LYSMD1: variants seen among roughly 807,000 people sequenced by gnomAD.
LYSMD1 encodes the protein LysM domain containing 1, also known as lysM and putative peptidoglycan-binding domain-containing protein 1.
LYSMD1 carries 9 observed loss-of-function variants against 19.3 expected under a neutral mutation model. The ratio of observed to expected loss-of-function variants is 0.47; its 90% CI spans 0.28 to 0.81. The LOEUF is 0.81. LYSMD1 is among the 40% of genes least tolerant of loss of function. The pLI is 0.11. For missense variants in LYSMD1, 262 were observed against 279.8 expected (o/e 0.94, Z 0.45); for synonymous variants, 111 against 111.7 (o/e 0.99, Z 0.04).
chr1:151,158,507 G>A (rs1461991642), downstream of LYSMD1, among the ~76,000 whole-genome samples: 2 of 151,938 alleles, frequency 1.3e-5, no homozygotes, highest in Admixed American at 1.3e-4. Context: ...CAGCACTAAG[G>A]GGAAAAAGCA....
the LYSMD1 span, among the ~76,000 whole-genome samples, chr1:151,153,960 G>GAA: frequency 3.2e-5 from 4 of 123,880 alleles, no homozygotes; most frequent in Admixed American, 8.2e-5. Context: ...CTCAATTGAA[G>GAA]AAAAAAAAAA....
Position 151,165,198 on chromosome 1 carries a change from C to T in LYSMD1, c.61G>A (p.Ala21Thr). 6.2e-7 allele frequency: 1 copy of T among 1,614,182 alleles called. No individual in the cohort carries two copies. Among genetic ancestry groups the T allele is most frequent in the Non-Finnish European group, 8.5e-7 (1 of 1,180,024 alleles). The change falls in exon 1 of 3, where the codon GCT becomes ACT. Residue 21 changes from alanine (A) to threonine (T), a missense_variant. By Grantham distance (58) the Ala-to-Thr change is moderately conservative (BLOSUM62 0). Transcript: ENST00000368908. ...GGSGLLQGSR[A>T]RSYGSLVQSA... ...TGCACCAGGCTTCCATATGAACGAG[C>T]CCGGCTCCCTTGAAGCAGTCCTGAC...
chr1:151,153,012 C>T, the LYSMD1 span, among the ~76,000 whole-genome samples: 1 of 152,106 alleles, frequency 6.6e-6, no homozygotes, highest in Non-Finnish European at 1.5e-5. Context: ...GGAAAGAGCA[C>T]CATTGAAAGT....
chr1:151,158,003 G>C (rs1389400605), downstream of LYSMD1, among the ~76,000 whole-genome samples: 1 of 152,180 alleles, frequency 6.6e-6, no homozygotes, highest in Non-Finnish European at 1.5e-5. Flanking sequence ...ATATGGCACA[G>C]AGTCAGTGTC....
At chr1:151,156,955 A>T (rs1683242772), downstream of LYSMD1, among the ~76,000 whole-genome samples, 1 of 152,102 alleles carries the variant, frequency 6.6e-6, no homozygotes, top group Non-Finnish European at 1.5e-5. Context: ...ATCCATATGG[A>T]TGTGTGCGAA....
In LYSMD1 at chr1:151,165,783, A is replaced by G; in HGVS notation, c.-525T>C. ...AGATCCTCAAAGGTCCGCTCCGCAT[A>G]AGATAGGTCACACCCTCAAATTTCG... On this transcript the variant is annotated 5_prime_UTR_variant, in exon 1 of 3. Transcript: ENST00000368908. 1 of 1,551,458 alleles carries G rather than the reference A, an allele frequency of 6.4e-7. No individual in the cohort carries two copies. The highest frequency in any genetic ancestry group is 8.7e-7 in the Non-Finnish European group (1 of 1,146,714).
downstream of LYSMD1, chr1:151,158,605 G>T (rs1366152627): frequency 1.6e-6 from 2 of 1,217,628 alleles, no homozygotes; most frequent in Non-Finnish European, 2.3e-6. Flanking sequence ...AACTAAAGAA[G>T]CAACAGAAAA....
At chr1:151,157,282 G>GA (rs1270609242), downstream of LYSMD1, among the ~76,000 whole-genome samples, 1 of 152,066 alleles carries the variant, frequency 6.6e-6, no homozygotes, top group South Asian at 2.1e-4. Flanking sequence ...TTCAGCTGGG[G>GA]AAAAAAACCC....
At chr1:151,150,001 C>T in the LYSMD1 span, among the ~76,000 whole-genome samples, 1 of 152,236 alleles carries the variant, frequency 6.6e-6, no homozygotes, top group Non-Finnish European at 1.5e-5. Flanking sequence ...GAATGCCATC[C>T]GTATCACCTG....
chr1:151,156,818 C>T (rs1683237993), downstream of LYSMD1: 1 of 152,200 alleles, frequency 6.6e-6, no homozygotes, highest in Admixed American at 6.5e-5. Context: ...TATTGTGAAA[C>T]TCTCGCTTGT....
chr1:151,162,046 T>C lies in LYSMD1; in HGVS notation c.235A>G (p.Lys79Glu). 1 of 1,612,766 alleles carries C rather than the reference T, an allele frequency of 6.2e-7. No individual in the cohort carries two copies. The highest frequency in any genetic ancestry group is 1.7e-4 in the Middle Eastern group (1 of 6,060). ...AGGATGGGGATGTAGAGGGTTTTCT[T>C]CAGGAAGATGGAGTCATTAGTATAA... is the stretch of plus-strand genomic sequence containing the variant. ...RLYTNDSIFLKKTLYIPILTE... is the reference protein window; with the variant it reads ...RLYTNDSIFLEKTLYIPILTE... The change falls in exon 2 of 3, where the codon AAG becomes GAG. Residue 79 changes from lysine to glutamate, a missense_variant. Lys to Glu is a moderately conservative substitution (Grantham distance 56). Transcript: ENST00000368908.
At chr1:151,149,270 C>A in the LYSMD1 span, among the ~76,000 whole-genome samples, 1 of 152,084 alleles carries the variant, frequency 6.6e-6, no homozygotes, top group African/African-American at 2.4e-5. Context: ...GTGATGGGCA[C>A]CTGCAATCCC....
At chr1:151,161,279 C>T (rs1459922666) in intron 2 of LYSMD1, among the ~76,000 whole-genome samples, 4 of 152,116 alleles carry the variant, frequency 2.6e-5, no homozygotes, top group African/African-American at 9.7e-5. Flanking sequence ...TGGCGGATCA[C>T]GAGGTCAGGA....
chr1:151,155,110 C>T (rs2101676684), downstream of LYSMD1, among the ~76,000 whole-genome samples: 1 of 152,330 alleles, frequency 6.6e-6, no homozygotes, highest in South Asian at 2.1e-4. Context: ...TCCTTCTTCA[C>T]TTATCTCTCA....
At chr1:151,164,124 C>A (rs114538301) in intron 1 of LYSMD1, among the ~76,000 whole-genome samples, 1,676 of 151,172 alleles carry the variant, frequency 0.011, 44 homozygotes, top group African/African-American at 0.039. Context: ...GTACTCGTAA[C>A]CTTAGGTGAT....
At chr1:151,158,908 G>T (rs906484247), downstream of LYSMD1, 22 of 1,614,224 alleles carry the variant, frequency 1.4e-5, 1 homozygote, top group South Asian at 2.4e-4. Flanking sequence ...CATCAAGGTG[G>T]CTGTGCTGCA....
Position 151,160,910 on chromosome 1 carries a change from T to G in LYSMD1, c.656A>C (p.Asp219Ala). 6.2e-7 allele frequency: 1 copy of G among 1,614,124 alleles called. No homozygotes were observed. The highest frequency in any genetic ancestry group is 8.5e-7 in the Non-Finnish European group (1 of 1,179,994). The stretch of plus-strand genomic sequence containing the variant: ...GAGTTTGAAGATTTCATCCTCCTGG[T>G]CCCGTAGTGTCCGGGTCCGAGAGGT... Reference protein sequence around the residue: ...TRTSRTRTLRDQEDEIFKL With the variant: ...TRTSRTRTLRAQEDEIFKL The change falls in exon 3 of 3, where the codon GAC becomes GCC. Residue 219 changes from aspartate (D) to alanine (A), a missense_variant. Transcript: ENST00000368908.
the LYSMD1 span, among the ~76,000 whole-genome samples, chr1:151,151,656 G>A: frequency 5.3e-5 from 8 of 151,116 alleles, no homozygotes; most frequent in African/African-American, 1.7e-4. Context: ...GTAGCCAGGC[G>A]CAGTGGCTCA....
At chr1:151,158,339 AG>A (rs1282246878), downstream of LYSMD1, among the ~76,000 whole-genome samples, 2 of 149,880 alleles carry the variant, frequency 1.3e-5, no homozygotes, top group African/African-American at 2.5e-5. Context: ...AAAAAAAAAA[AG>A]AATTATCTGT....
Sources: gnomAD v4.1 joint callset for allele counts (sites outside exome capture counted in the v4.1 genomes callset) on GRCh38, gnomAD v4.1.1 for gene constraint, MANE v1.5 for transcripts, NCBI Gene and HGNC (gene_info 2026-07-23, HGNC 2026-07-21) for gene names.